PLPP7: variants seen among roughly 807,000 people sequenced by gnomAD.
PLPP7 encodes the protein inactive phospholipid phosphatase 7.
Under a neutral mutation model 16.9 loss-of-function variants are expected in PLPP7, and 11 were observed. That is an observed-to-expected ratio of 0.65 (90% CI 0.41 to 1.08). The LOEUF (loss-of-function observed/expected upper bound fraction) is 1.08, where lower values mean the gene tolerates loss of function less well. Ranked by LOEUF, PLPP7 falls within the 50% of genes least tolerant of loss-of-function variation. The probability of loss-of-function intolerance (pLI) is 0.00; values close to 1 mark genes in which losing one functional copy is unlikely to be tolerated. For synonymous variants in PLPP7, 174 were observed against 175.1 expected, an observed-to-expected ratio of 0.99 and a Z score of 0.05; for missense variants, 358 against 397.1, an observed-to-expected ratio of 0.90 and a Z score of 0.84.
At chr9:131,307,869 C>G in intron 1 of PLPP7, 54 bp from the exon 2 acceptor site, 8 of 1,499,116 alleles carry the variant, frequency 5.3e-6, no homozygotes, top group Non-Finnish European at 7.1e-6. Context: ...GGGCCAGGGC[C>G]TGGGCCTGGC....
chr9:131,307,000 T>C (rs1396530376), intron 1 of PLPP7, among the ~76,000 whole-genome samples: 1 of 152,062 alleles, frequency 6.6e-6, no homozygotes, highest in Non-Finnish European at 1.5e-5. Context: ...GGGTGAACAC[T>C]TGGGGAGGCT....
Position 131,295,653 on chromosome 9 carries a change from A to T in PLPP7, c.451+5205A>T. ...GAAGCTCTGTCCCCATTAAGCACTG[A>T]CTCCCCACTCCCCTTCCCCCAGCCC... On this transcript the variant is annotated intron_variant, in intron 1 of 1. Coordinates refer to ENST00000372264, the MANE Select transcript of PLPP7 (RefSeq NM_032728.4). This position sits in a 1 kb window ranked among gnomAD's most constrained non-coding sequence, Gnocchi z 4.0. 6.7e-6 allele frequency among the ~76,000 whole-genome samples: 1 copy of T among 148,826 alleles called. No individual in the cohort carries two copies. Among genetic ancestry groups the T allele is most frequent in the East Asian group, 1.9e-4 (1 of 5,140 alleles).
rs1279595141 is a variant in PLPP7 at position 131,295,075 on chromosome 9, A to G, written c.451+4627A>G. On this transcript the variant is annotated intron_variant, in intron 1 of 1. Coordinates refer to ENST00000372264, the MANE Select transcript of PLPP7 (RefSeq NM_032728.4). This position sits in a 1 kb window ranked among gnomAD's most constrained non-coding sequence, Gnocchi z 4.0. ...GCTTGCAGTGAGCTGAGATCGCACC[A>G]CTGCACTCCAGCCTGGGCGACAGAG... 6.8e-6 allele frequency among the ~76,000 whole-genome samples: 1 copy of G among 146,332 alleles called. No individual in the cohort carries two copies. Among genetic ancestry groups the G allele is most frequent in the African/African-American group, 2.5e-5 (1 of 40,104 alleles).
intron 1 of PLPP7, among the ~76,000 whole-genome samples, chr9:131,297,108 A>G (rs1292345032): frequency 6.6e-6 from 1 of 152,250 alleles, no homozygotes; most frequent in East Asian, 1.9e-4. Context: ...GGCCACCCCC[A>G]GGCCAGGTCA....
rs58232246 is a variant in PLPP7, at chr9:131,299,366, A to AGAAGGGG, written c.452-8557_452-8556insGAAGGGG. On this transcript the variant is annotated intron_variant, in intron 1 of 1. Coordinates refer to ENST00000372264, the MANE Select transcript of PLPP7 (RefSeq NM_032728.4). ...GGGTCTCCTTGCCCTCCTTGAGTCA[A>AGAAGGGG]CTGGTCGACTGGACAGGGCCATGTG... is the stretch of plus-strand genomic sequence containing the variant. Among the ~76,000 whole-genome samples, 9 of 151,966 alleles carry AGAAGGGG rather than the reference A, an allele frequency of 5.9e-5. No homozygotes were observed. In the South Asian group the frequency reaches 1.2e-3, roughly 21 times the overall value.
chr9:131,300,273 G>A (rs896010336), intron 1 of PLPP7, among the ~76,000 whole-genome samples: 1 of 152,170 alleles, frequency 6.6e-6, no homozygotes, highest in African/African-American at 2.4e-5. Context: ...ATTCATAAAG[G>A]GAGAGCCCTC....
intron 1 of PLPP7, chr9:131,291,017 C>T: frequency 7.5e-7 from 1 of 1,341,616 alleles, no homozygotes. Flanking sequence ...GAGTTCTTCC[C>T]TGCTCCTTCC....
rs761141106 is a variant in PLPP7 at position 131,290,489 on chromosome 9, C to T, written c.451+41C>T. ...GCCCGCCACTCACTGTCAGGCCCCT[C>T]GGGAGGCAGCCTGGCCTGCCCAACC... On this transcript the variant is annotated intron_variant, in intron 1 of 1. Coordinates refer to ENST00000372264, the MANE Select transcript of PLPP7 (RefSeq NM_032728.4). This position sits in a 1 kb window ranked among gnomAD's most constrained non-coding sequence, Gnocchi z 4.2. The T allele has an allele frequency of 9.7e-5, 143 of 1,477,580 alleles. No individual in the cohort carries two copies. Among genetic ancestry groups the T allele is most frequent in the Non-Finnish European group, 1.2e-4 (134 of 1,116,966 alleles). 91.5% of individuals were successfully genotyped at this position (1,477,580 alleles called of 1,614,324 possible).
intron 1 of PLPP7, among the ~76,000 whole-genome samples, chr9:131,299,813 A>G (rs1173358960): frequency 6.6e-6 from 1 of 152,238 alleles, no homozygotes; most frequent in Non-Finnish European, 1.5e-5. Flanking sequence ...GAAATACCCA[A>G]GAACCGGCGG....
At chr9:131,293,467 G>T (rs192272581) in intron 1 of PLPP7, among the ~76,000 whole-genome samples, 90 of 152,326 alleles carry the variant, frequency 5.9e-4, no homozygotes, top group Non-Finnish European at 8.1e-4. Context: ...GGCTTGGTGG[G>T]AGAAAATTGC....
rs1165239833 is a variant in PLPP7 at position 131,300,689 on chromosome 9, GAAAAAAAAAAAAAA to G, written c.452-7223_452-7210del. ...AGAGGGAGACACTGTCTCAAAAGCA[GAAAAAAAAAAAAAA>G]AAAAAAAAAAGGGAAGGTGTGGGTC... On this transcript the variant is annotated intron_variant, in intron 1 of 1. Coordinates refer to ENST00000372264, the MANE Select transcript of PLPP7 (RefSeq NM_032728.4). 1.2e-4 allele frequency among the ~76,000 whole-genome samples: 5 copies of G among 40,358 alleles called. No individual in the cohort carries two copies. The East Asian group carries it at 4.8e-3, about 39-fold the overall frequency. 26.5% of individuals were successfully genotyped at this position (40,358 alleles called of 152,430 possible). A position where few individuals can be genotyped will look rare whatever the true frequency, so the allele number is the denominator to read the frequency against.
At chr9:131,294,895 T>C (rs1050381607) in intron 1 of PLPP7, among the ~76,000 whole-genome samples, 19 of 152,002 alleles carry the variant, frequency 1.2e-4, no homozygotes, top group African/African-American at 4.1e-4. Flanking sequence ...TCCACCCACC[T>C]TGGCCTCCCA....
rs1835721679 is a variant in PLPP7, at chr9:131,295,105, ACT to A, written c.451+4660_451+4661del. Reference sequence around the variant, plus strand: ...ACTCCAGCCTGGGCGACAGAGTGAGACTCTGTCTAAAAAAAAAGTATCTTTAT... The same window carrying A: ...ACTCCAGCCTGGGCGACAGAGTGAGACTGTCTAAAAAAAAAGTATCTTTAT... On this transcript the variant is annotated intron_variant, in intron 1 of 1. Coordinates refer to ENST00000372264, the MANE Select transcript of PLPP7 (RefSeq NM_032728.4). The surrounding 1 kb of genome is among the most constrained non-coding windows in gnomAD (Gnocchi z 4.0). Among the ~76,000 whole-genome samples, 2 of 149,484 alleles carry A rather than the reference ACT, an allele frequency of 1.3e-5. No homozygotes were observed. Among genetic ancestry groups the A allele is most frequent in the South Asian group, 2.1e-4 (1 of 4,712 alleles).
chr9:131,297,081 C>CG (rs1249737228), intron 1 of PLPP7, among the ~76,000 whole-genome samples: 2 of 152,270 alleles, frequency 1.3e-5, no homozygotes, highest in East Asian at 3.8e-4. Context: ...AACAGTCAGT[C>CG]CCTCAGGGGG....
intron 1 of PLPP7, among the ~76,000 whole-genome samples, chr9:131,306,334 G>C (rs1328931945): frequency 6.6e-6 from 1 of 151,780 alleles, no homozygotes; most frequent in Non-Finnish European, 1.5e-5. Context: ...TTGAGGTCAG[G>C]AGTTTGAGAC....
In PLPP7 at chr9:131,308,556, C is replaced by A; in HGVS notation, c.*269C>A. On this transcript the variant is annotated 3_prime_UTR_variant, in exon 2 of 2. Coordinates refer to ENST00000372264, the MANE Select transcript of PLPP7 (RefSeq NM_032728.4). ...GCCAGGACCCACCCATGGGGACAGC[C>A]CTATTTAGCTTCTGCTCTGGGAACA... 1 of 517,894 alleles carries A rather than the reference C, an allele frequency of 1.9e-6. No individual in the cohort carries two copies. The highest frequency in any genetic ancestry group is 3.4e-6 in the Non-Finnish European group (1 of 291,810). 32.1% of individuals were successfully genotyped at this position (517,894 alleles called of 1,614,324 possible).
At chr9:131,302,236 A>C (rs895094909) in intron 1 of PLPP7, among the ~76,000 whole-genome samples, 16 of 151,648 alleles carry the variant, frequency 1.1e-4, no homozygotes, top group African/African-American at 3.6e-4. Flanking sequence ...TTCAGATTTA[A>C]CCCCCTCCCC....
At chr9:131,300,045 AAC>A (rs2131217617) in intron 1 of PLPP7, among the ~76,000 whole-genome samples, 1 of 152,358 alleles carries the variant, frequency 6.6e-6, no homozygotes, top group Non-Finnish European at 1.5e-5. Flanking sequence ...GTGCTGCTGT[AAC>A]AGAATACCAC....
At chr9:131,305,053 A>C (rs1207949960) in intron 1 of PLPP7, among the ~76,000 whole-genome samples, 1 of 152,000 alleles carries the variant, frequency 6.6e-6, no homozygotes, top group Non-Finnish European at 1.5e-5. Context: ...GACACAGCGC[A>C]GTTGCTGGGG....
Sources: allele counts gnomAD v4.1 joint callset (sites outside exome capture counted in the v4.1 genomes callset), GRCh38; gene constraint gnomAD v4.1.1; non-coding constraint Gnocchi (gnomAD v3.1); transcripts MANE v1.5; gene names NCBI Gene and HGNC (gene_info 2026-07-23, HGNC 2026-07-21).